RTL4: variants seen among roughly 807,000 people sequenced by gnomAD.
RTL4 encodes retrotransposon Gag like 4.
In RTL4, 4 loss-of-function variants were observed where a neutral mutation model predicts 5.3. The ratio of observed to expected loss-of-function variants is 0.75; its 90% CI spans 0.37 to 1.72. The LOEUF (loss-of-function observed/expected upper bound fraction) is 1.72, where lower values mean the gene tolerates loss of function less well. RTL4 is among the 40% of genes most tolerant of loss of function. The probability of loss-of-function intolerance (pLI) is 0.04; values close to 1 mark genes in which losing one functional copy is unlikely to be tolerated. For synonymous variants in RTL4, 98 were observed against 87.3 expected (o/e 1.12, Z -0.68); for missense variants, 260 against 227.1 (o/e 1.14, Z -0.93).
chrX:112,381,329 T>G, the RTL4 span: 2 of 1,209,942 alleles, frequency 1.7e-6, no homozygotes, highest in Non-Finnish European at 2.2e-6. Flanking sequence ...AATAAATAAT[T>G]TTGTCAAGCC....
At chrX:112,361,608 G>A in the RTL4 span, among the ~76,000 whole-genome samples, 19 of 110,731 alleles carry the variant, frequency 1.7e-4, no homozygotes, top group East Asian at 5.2e-3. Flanking sequence ...CCTCCCCTCT[G>A]CAATGCAATC....
the RTL4 span, among the ~76,000 whole-genome samples, chrX:112,173,313 G>C: frequency 3.6e-5 from 4 of 111,443 alleles, no homozygotes; most frequent in Non-Finnish European, 7.5e-5. Context: ...TTAGCATCAA[G>C]TGATGATGGA....
At chrX:112,338,213 T>C in the RTL4 span, among the ~76,000 whole-genome samples, 3 of 111,649 alleles carry the variant, frequency 2.7e-5, no homozygotes, top group Non-Finnish European at 3.8e-5. Flanking sequence ...CCCAAGTCCT[T>C]ACTTGCACCC....
At chrX:112,394,861 T>C in the RTL4 span, among the ~76,000 whole-genome samples, 8 of 112,356 alleles carry the variant, frequency 7.1e-5, no homozygotes, top group African/African-American at 2.6e-4. Flanking sequence ...TTAAATTTTA[T>C]GTACTAACGA....
the RTL4 span, among the ~76,000 whole-genome samples, chrX:112,326,750 G>A: frequency 1.8e-4 from 20 of 111,818 alleles, no homozygotes; most frequent in Non-Finnish European, 3.2e-4. Context: ...AGACTTAAAT[G>A]TCCCTGTCTG....
chrX:112,197,424 G>A, the RTL4 span, among the ~76,000 whole-genome samples: 52 of 104,305 alleles, frequency 5.0e-4, no homozygotes, highest in South Asian at 0.023. Context: ...ATGGCGGATG[G>A]ACCACCTCAT....
chrX:112,393,635 C>T, the RTL4 span, among the ~76,000 whole-genome samples: 1 of 111,847 alleles, frequency 8.9e-6, no homozygotes, highest in Non-Finnish European at 1.9e-5. Flanking sequence ...TCGCTTCAGC[C>T]CTGGTTGGCT....
chrX:112,182,856 A>G, the RTL4 span, among the ~76,000 whole-genome samples: 1 of 111,855 alleles, frequency 8.9e-6, no homozygotes, highest in Non-Finnish European at 1.9e-5. Flanking sequence ...CACAAGGCAC[A>G]TAATCATCAG....
chrX:112,129,867 C>A, the RTL4 span, among the ~76,000 whole-genome samples: 1 of 111,358 alleles, frequency 9.0e-6, no homozygotes, highest in African/African-American at 3.3e-5. Flanking sequence ...AAAAACGATC[C>A]AAAATTAAAA....
chrX:112,331,957 A>G, the RTL4 span, among the ~76,000 whole-genome samples: 3 of 98,617 alleles, frequency 3.0e-5, no homozygotes, highest in Non-Finnish European at 6.1e-5. Context: ...GAATTGAACA[A>G]TGAGAACACA....
chrX:112,395,290 T>C, the RTL4 span, among the ~76,000 whole-genome samples: 2 of 111,835 alleles, frequency 1.8e-5, no homozygotes, highest in African/African-American at 6.5e-5. Context: ...AAATCCCTGA[T>C]AAAATTTGCT....
At chrX:112,339,375 A>G in the RTL4 span, among the ~76,000 whole-genome samples, 2 of 112,229 alleles carry the variant, frequency 1.8e-5, no homozygotes, top group Admixed American at 9.5e-5. Flanking sequence ...GAACTGGGAC[A>G]GATGATCTAC....
chrX:112,196,362 A>G, the RTL4 span, among the ~76,000 whole-genome samples: 1 of 111,419 alleles, frequency 9.0e-6, no homozygotes, highest in Non-Finnish European at 1.9e-5. Flanking sequence ...TGAATGTTAC[A>G]TAGTTTGTGT....
the RTL4 span, among the ~76,000 whole-genome samples, chrX:112,230,380 G>A: frequency 8.9e-6 from 1 of 112,375 alleles, no homozygotes. Flanking sequence ...TGTTGGAAGA[G>A]CACAGTATTA....
the RTL4 span, among the ~76,000 whole-genome samples, chrX:112,161,807 T>A: frequency 5.7e-5 from 2 of 35,173 alleles, no homozygotes; most frequent in African/African-American, 2.1e-4. Flanking sequence ...CTTCCTTCCT[T>A]CCTTCCTTCC....
the RTL4 span, among the ~76,000 whole-genome samples, chrX:112,130,791 GTT>G: frequency 3.4e-5 from 3 of 88,897 alleles, no homozygotes; most frequent in Non-Finnish European, 4.3e-5. Flanking sequence ...ATGGGTGTGG[GTT>G]TTTTTTTTTT....
the RTL4 span, among the ~76,000 whole-genome samples, chrX:112,125,686 G>A: frequency 8.1e-5 from 9 of 111,687 alleles, no homozygotes; most frequent in East Asian, 1.1e-3. Flanking sequence ...GAACATTTAC[G>A]TCTTTGGGAT....
At chrX:112,289,972 C>A in the RTL4 span, among the ~76,000 whole-genome samples, 2 of 111,143 alleles carry the variant, frequency 1.8e-5, no homozygotes, top group Non-Finnish European at 3.8e-5. Flanking sequence ...TGAACTCAAG[C>A]AGCTTGACCC....
At chrX:112,337,572 C>T in the RTL4 span, among the ~76,000 whole-genome samples, 1 of 111,285 alleles carries the variant, frequency 9.0e-6, no homozygotes, top group Non-Finnish European at 1.9e-5. Context: ...CGTGAGCCAC[C>T]GTGCCTGGCA....
Sources: allele counts gnomAD v4.1 joint callset (sites outside exome capture counted in the v4.1 genomes callset), GRCh38; gene constraint gnomAD v4.1.1; transcripts MANE v1.5; gene names NCBI Gene and HGNC (gene_info 2026-07-23, HGNC 2026-07-21).